DAB1: variants seen among roughly 807,000 people sequenced by gnomAD.
DAB1 encodes disabled homolog 1.
A neutral mutation model predicts 64.6 loss-of-function variants in DAB1; 15 were observed. The ratio of observed to expected loss-of-function variants is 0.23; its 90% CI spans 0.16 to 0.36. The LOEUF is 0.36. Ranked by LOEUF, DAB1 falls within the 10% of genes least tolerant of loss-of-function variation. DAB1 has a pLI of 1.00. For synonymous variants in DAB1, 235 were observed against 251.9 expected (o/e 0.93, Z 0.64); for missense variants, 596 against 706.7 (o/e 0.84, Z 1.78).
At chr1:58,191,591 T>C (rs1026214198) in intron 4 of DAB1, among the ~76,000 whole-genome samples, 73 of 152,290 alleles carry the variant, frequency 4.8e-4, no homozygotes, top group African/African-American at 1.6e-3. Flanking sequence ...CTTCTGGAGC[T>C]CATCCAGGGC....
At chr1:57,569,130 C>G (rs1366286650) in intron 7 of DAB1, among the ~76,000 whole-genome samples, 1 of 149,490 alleles carries the variant, frequency 6.7e-6, no homozygotes, top group Non-Finnish European at 1.5e-5. Context: ...AGATGGCGGG[C>G]GCCTGTAGTC....
At chr1:58,365,656 T>C (rs1173035963) in intron 3 of DAB1, among the ~76,000 whole-genome samples, 8 of 152,170 alleles carry the variant, frequency 5.3e-5, no homozygotes, top group Non-Finnish European at 1.2e-4. Flanking sequence ...CAGGTGTTGA[T>C]TGTGCAACCC....
intron 4 of DAB1, among the ~76,000 whole-genome samples, chr1:57,080,320 G>C (rs1009329780): frequency 7.9e-5 from 12 of 152,254 alleles, no homozygotes; most frequent in Admixed American, 4.6e-4. Context: ...GCAGGATCCT[G>C]TGTCCAGGTC....
chr1:57,138,509 C>G (rs61765326), intron 3 of DAB1, among the ~76,000 whole-genome samples: 1,531 of 152,236 alleles, frequency 0.01, 28 homozygotes, highest in East Asian at 0.056. Flanking sequence ...ATATAAGACC[C>G]CTCCTCCAGC....
chr1:58,340,327 T>G (rs1643913084), intron 4 of DAB1, among the ~76,000 whole-genome samples: 1 of 152,170 alleles, frequency 6.6e-6, no homozygotes, highest in Non-Finnish European at 1.5e-5. Flanking sequence ...GTAGCAGGAA[T>G]GAGGATTAAG....
chr1:57,143,678 T>C (rs1370944805), intron 3 of DAB1, among the ~76,000 whole-genome samples: 1 of 152,178 alleles, frequency 6.6e-6, no homozygotes, highest in Non-Finnish European at 1.5e-5. Context: ...ATCTGATATA[T>C]ATGCTAACCT....
chr1:57,829,698 T>C (rs1652501991), intron 1 of DAB1, among the ~76,000 whole-genome samples: 1 of 152,192 alleles, frequency 6.6e-6, no homozygotes, highest in South Asian at 2.1e-4. Context: ...CCCAGCTCTT[T>C]CTCTGCCACC....
intron 6 of DAB1, among the ~76,000 whole-genome samples, chr1:57,703,752 A>C (rs1329624661): frequency 6.6e-6 from 1 of 151,790 alleles, no homozygotes; most frequent in Non-Finnish European, 1.5e-5. Context: ...TCATTGCAGC[A>C]CTGTTCACAA....
chr1:57,497,935 G>C (rs1255804334), intron 7 of DAB1, among the ~76,000 whole-genome samples: 1 of 152,186 alleles, frequency 6.6e-6, no homozygotes, highest in African/African-American at 2.4e-5. Context: ...GAGGATAAGG[G>C]AGAAATCAGA....
intron 5 of DAB1, among the ~76,000 whole-genome samples, chr1:58,031,554 C>T (rs1363951760): frequency 1.3e-5 from 2 of 152,188 alleles, no homozygotes; most frequent in Non-Finnish European, 2.9e-5. Flanking sequence ...CTTCAGCCCT[C>T]AGCTGCCAGA....
chr1:58,347,469 G>C (rs754548902), intron 3 of DAB1, among the ~76,000 whole-genome samples: 8 of 152,190 alleles, frequency 5.3e-5, no homozygotes, highest in Admixed American at 1.3e-4. Context: ...CTTGGTGGGA[G>C]ATTGTCAATT....
chr1:57,472,682 T>C (rs1468227566), intron 7 of DAB1, among the ~76,000 whole-genome samples: 1 of 152,098 alleles, frequency 6.6e-6, no homozygotes. Flanking sequence ...TTGTGAGCCC[T>C]TAAAAAGGAC....
At chr1:57,278,125 A>C (rs1671614881) in intron 2 of DAB1, among the ~76,000 whole-genome samples, 1 of 152,226 alleles carries the variant, frequency 6.6e-6, no homozygotes, top group African/African-American at 2.4e-5. Context: ...CTCTGCTGGG[A>C]AACAGCATGG....
chr1:58,240,752 C>T (rs755657394), intron 4 of DAB1, among the ~76,000 whole-genome samples: 7 of 152,292 alleles, frequency 4.6e-5, no homozygotes, highest in African/African-American at 7.2e-5. Flanking sequence ...ATGGCACCCA[C>T]GCCAAGACTT....
intron 4 of DAB1, among the ~76,000 whole-genome samples, chr1:57,108,926 T>A (rs1655408619): frequency 6.6e-6 from 1 of 152,210 alleles, no homozygotes; most frequent in South Asian, 2.1e-4. Context: ...TCATGCCAGG[T>A]TGCACCAAGG....
intron 5 of DAB1, among the ~76,000 whole-genome samples, chr1:58,126,560 C>A (rs1653104847): frequency 6.6e-6 from 1 of 151,454 alleles, no homozygotes; most frequent in Admixed American, 6.6e-5. Flanking sequence ...CACCCACTAA[C>A]TCGTCATCTA....
intron 4 of DAB1, among the ~76,000 whole-genome samples, chr1:58,156,979 T>C (rs1308309444): frequency 6.6e-6 from 1 of 152,186 alleles, no homozygotes; most frequent in African/African-American, 2.4e-5. Context: ...CAGCATCTGG[T>C]CTGCCTACCG....
At chr1:58,297,735 G>A (rs1004140219) in intron 4 of DAB1, among the ~76,000 whole-genome samples, 4 of 152,182 alleles carry the variant, frequency 2.6e-5, no homozygotes, top group Admixed American at 6.6e-5. Context: ...ATTAGAGAAG[G>A]CTTCCTGAAA....
At chr1:58,215,604 A>C (rs1178577137) in intron 4 of DAB1, among the ~76,000 whole-genome samples, 1 of 152,146 alleles carries the variant, frequency 6.6e-6, no homozygotes, top group Non-Finnish European at 1.5e-5. Flanking sequence ...GCATGAATAA[A>C]GGTTTTCAAG....
Sources: allele counts gnomAD v4.1 joint callset (sites outside exome capture counted in the v4.1 genomes callset), GRCh38; gene constraint gnomAD v4.1.1; transcripts MANE v1.5; gene names NCBI Gene and HGNC (gene_info 2026-07-23, HGNC 2026-07-21).